ERBB4: variants seen among roughly 807,000 people sequenced by gnomAD.
ERBB4 encodes erb-b2 receptor tyrosine kinase 4, also known as receptor tyrosine-protein kinase erbB-4.
In ERBB4, 42 loss-of-function variants were observed where a neutral mutation model predicts 158.0. The observed-to-expected ratio is 0.27, with a 90% CI of 0.21 to 0.34. The LOEUF (loss-of-function observed/expected upper bound fraction) is 0.34. ERBB4 is among the 10% of genes least tolerant of loss of function. The pLI is 1.00. For synonymous variants in ERBB4, 583 were observed against 558.7 expected (o/e 1.04, Z -0.61); for missense variants, 1,333 against 1,624.1 (o/e 0.82, Z 3.08).
chr2:212,021,251 C>T (rs1228789904), intron 2 of ERBB4, among the ~76,000 whole-genome samples: 1 of 152,004 alleles, frequency 6.6e-6, no homozygotes, highest in African/African-American at 2.4e-5. Context: ...TGTCTGATGC[C>T]TAAGTCTTAA....
chr2:212,140,141 G>A (rs1012303889), intron 1 of ERBB4, among the ~76,000 whole-genome samples: 2 of 151,378 alleles, frequency 1.3e-5, no homozygotes, highest in Non-Finnish European at 3.0e-5. Flanking sequence ...CAAGATCCAT[G>A]CAGTTGCATC....
At chr2:212,131,342 A>T (rs560557509) in intron 1 of ERBB4, among the ~76,000 whole-genome samples, 1 of 152,198 alleles carries the variant, frequency 6.6e-6, no homozygotes, top group Non-Finnish European at 1.5e-5. Flanking sequence ...GTCACTAAAA[A>T]CACCCTTTGG....
chr2:211,960,222 G>C (rs933531642), intron 2 of ERBB4, among the ~76,000 whole-genome samples: 1 of 152,092 alleles, frequency 6.6e-6, no homozygotes, highest in East Asian at 1.9e-4. Context: ...TCTTATCATA[G>C]CAGATAGTGA....
chr2:211,843,039 G>T (rs1361295615), intron 3 of ERBB4, among the ~76,000 whole-genome samples: 10 of 152,034 alleles, frequency 6.6e-5, no homozygotes. Context: ...ACTCATACAG[G>T]CAAAAGCACT....
chr2:211,508,752 A>T (rs908611666), intron 20 of ERBB4, among the ~76,000 whole-genome samples: 1 of 152,120 alleles, frequency 6.6e-6, no homozygotes, highest in Admixed American at 6.5e-5. Flanking sequence ...CTTGGAGCCA[A>T]CCCAAACGCC....
At chr2:211,774,098 A>T (rs1370785584) in intron 4 of ERBB4, among the ~76,000 whole-genome samples, 1 of 146,828 alleles carries the variant, frequency 6.8e-6, no homozygotes, top group Non-Finnish European at 1.5e-5. Flanking sequence ...CTTGAGATGG[A>T]GTCTCCCTCT....
intron 3 of ERBB4, among the ~76,000 whole-genome samples, chr2:211,798,203 C>T (rs2076424536): frequency 6.6e-6 from 1 of 152,044 alleles, no homozygotes. Context: ...ACTTCTACCA[C>T]AACAAATTAG....
At chr2:212,043,741 C>T (rs1316392131) in intron 2 of ERBB4, among the ~76,000 whole-genome samples, 1 of 151,894 alleles carries the variant, frequency 6.6e-6, no homozygotes, top group African/African-American at 2.4e-5. Flanking sequence ...TGAATCAGGC[C>T]CTGCTCCAAC....
chr2:212,397,578 G>A (rs946750992), intron 1 of ERBB4, among the ~76,000 whole-genome samples: 1 of 151,938 alleles, frequency 6.6e-6, no homozygotes, highest in Admixed American at 6.6e-5. Flanking sequence ...GATTTTACAA[G>A]GTTGCATTCA....
At chr2:212,385,899 G>A (rs1232283886) in intron 1 of ERBB4, among the ~76,000 whole-genome samples, 1 of 151,666 alleles carries the variant, frequency 6.6e-6, no homozygotes, top group East Asian at 1.9e-4. Context: ...GCAGACTATT[G>A]TTTTATCCAC....
Position 211,409,104 on chromosome 2 carries a change from T to A in ERBB4, c.3135+11337A>T, listed in dbSNP as rs922484531. ...CTTCCATCTTTTAATGAACTCCATT[T>A]GAATGATTATTAGGCTTATATTTTA... is the stretch of plus-strand genomic sequence containing the variant. On this transcript the variant is annotated intron_variant, in intron 25 of 27. Coordinates refer to ENST00000342788, the MANE Select transcript of ERBB4 (RefSeq NM_005235.3). Among the ~76,000 whole-genome samples the A allele has an allele frequency of 3.3e-5, 5 of 152,196 alleles. No individual in the cohort carries two copies. The South Asian group carries it at 8.3e-4, about 25-fold the overall frequency.
At chr2:211,465,986 C>A (rs530961747) in intron 20 of ERBB4, among the ~76,000 whole-genome samples, 1 of 152,044 alleles carries the variant, frequency 6.6e-6, no homozygotes, top group African/African-American at 2.4e-5. Flanking sequence ...ACCCTTTTTG[C>A]TGTCATTCCT....
At chr2:211,657,953 T>G (rs376518506) in intron 15 of ERBB4, 125 bp from the exon 16 acceptor site, 24 of 1,607,612 alleles carry the variant, frequency 1.5e-5, no homozygotes, top group Non-Finnish European at 2.0e-5. Flanking sequence ...CAAGTACCTA[T>G]CCATCAGGCC....
chr2:211,626,563 T>C (rs1338976296), intron 17 of ERBB4, among the ~76,000 whole-genome samples: 1 of 152,156 alleles, frequency 6.6e-6, no homozygotes, highest in Non-Finnish European at 1.5e-5. Context: ...TACGATTATC[T>C]AACCACCAAA....
chr2:211,985,609 C>T (rs1421771258), intron 2 of ERBB4, among the ~76,000 whole-genome samples: 2 of 151,892 alleles, frequency 1.3e-5, no homozygotes, highest in African/African-American at 2.4e-5. Context: ...GAAGTCACTG[C>T]ACCAGTTCCA....
intron 1 of ERBB4, among the ~76,000 whole-genome samples, chr2:212,272,256 C>A (rs1489558983): frequency 6.6e-6 from 1 of 151,750 alleles, no homozygotes; most frequent in East Asian, 1.9e-4. Context: ...ATATATGGAT[C>A]ATTTTAAAAT....
chr2:211,674,979 T>C (rs1261473833), intron 13 of ERBB4, among the ~76,000 whole-genome samples: 1 of 152,178 alleles, frequency 6.6e-6, no homozygotes, highest in Non-Finnish European at 1.5e-5. Flanking sequence ...AGATGGCCTA[T>C]TGCCCTTTTC....
chr2:212,378,927 G>A (rs35880620), intron 1 of ERBB4, among the ~76,000 whole-genome samples: 28,638 of 151,512 alleles, frequency 0.19, 2,902 homozygotes, highest in South Asian at 0.25. Context: ...ATTTAGGTGA[G>A]GTTCTAAAAT....
At chr2:212,156,455 AG>A (rs2081038079) in intron 1 of ERBB4, among the ~76,000 whole-genome samples, 1 of 152,162 alleles carries the variant, frequency 6.6e-6, no homozygotes, top group Non-Finnish European at 1.5e-5. Context: ...AAATTGTATC[AG>A]TCAGCACAGA....
Sources: gnomAD v4.1 joint callset for allele counts (sites outside exome capture counted in the v4.1 genomes callset) on GRCh38, gnomAD v4.1.1 for gene constraint, MANE v1.5 for transcripts, NCBI Gene and HGNC (gene_info 2026-07-23, HGNC 2026-07-21) for gene names.